Variants in PLEKHM3 observed in about 807,000 individuals in gnomAD.
PLEKHM3 encodes the protein pleckstrin homology domain-containing family M member 3.
A neutral mutation model predicts 81.8 loss-of-function variants in PLEKHM3; 45 were observed. The observed-to-expected ratio is 0.55, with a 90% confidence interval of 0.43 to 0.71. PLEKHM3 has a LOEUF of 0.71. Among genes scored for constraint, PLEKHM3 ranks in the 30% least tolerant of loss-of-function variants. The pLI is 0.00. For synonymous variants in PLEKHM3, 352 were observed against 356.4 expected, an observed-to-expected ratio of 0.99 and a Z score of 0.14; for missense variants, 788 against 924.3, an observed-to-expected ratio of 0.85 and a Z score of 1.91.
chr2:207,904,205 G>C (rs766469007), intron 6 of PLEKHM3, among the ~76,000 whole-genome samples: 1 of 152,096 alleles, frequency 6.6e-6, no homozygotes, highest in Non-Finnish European at 1.5e-5. Context: ...AAAATGAGCA[G>C]TACCTTCTGT....
chr2:207,836,346 A>C (rs79317664), intron 7 of PLEKHM3, among the ~76,000 whole-genome samples: 3,862 of 151,372 alleles, frequency 0.026, 173 homozygotes, highest in African/African-American at 0.088. Context: ...AGCACCATGG[A>C]ATGAGACTAT....
chr2:207,904,363 G>C (rs1159575006), intron 6 of PLEKHM3, among the ~76,000 whole-genome samples: 1 of 152,148 alleles, frequency 6.6e-6, no homozygotes, highest in Admixed American at 6.5e-5. Context: ...GAGAGCCTCT[G>C]CCTGTGTCTT....
intron 6 of PLEKHM3, among the ~76,000 whole-genome samples, chr2:207,876,450 A>C (rs1453343715): frequency 6.6e-6 from 1 of 152,202 alleles, no homozygotes; most frequent in Non-Finnish European, 1.5e-5. Context: ...TTATTTTCAC[A>C]AAAGTTCTTG....
chr2:207,994,095 G>A (rs927817779), intron 2 of PLEKHM3, among the ~76,000 whole-genome samples: 1 of 152,118 alleles, frequency 6.6e-6, no homozygotes, highest in Admixed American at 6.6e-5. Context: ...TAAACCAAAC[G>A]CAATAGACAA....
At chr2:207,889,949 G>C (rs1056012109) in intron 6 of PLEKHM3, among the ~76,000 whole-genome samples, 1 of 152,024 alleles carries the variant, frequency 6.6e-6, no homozygotes, top group African/African-American at 2.4e-5. Context: ...GACTACAGTG[G>C]CCTACCACCA....
At chr2:207,862,379 G>A (rs1354325885) in intron 6 of PLEKHM3, among the ~76,000 whole-genome samples, 3 of 151,878 alleles carry the variant, frequency 2.0e-5, no homozygotes, top group Non-Finnish European at 2.9e-5. Flanking sequence ...GCTCACGCTT[G>A]CAATCCCAGC....
intron 2 of PLEKHM3, among the ~76,000 whole-genome samples, chr2:207,987,535 C>T (rs779617332): frequency 1.3e-5 from 2 of 152,178 alleles, no homozygotes; most frequent in Non-Finnish European, 2.9e-5. Context: ...GAGACACATG[C>T]GGACTCAGCG....
chr2:208,001,404 C>A lies in PLEKHM3; in HGVS notation c.236G>T (p.Arg79Met). 6.2e-7 allele frequency: 1 copy of A among 1,614,138 alleles called. No homozygotes were observed. Among genetic ancestry groups the A allele is most frequent in the Non-Finnish European group, 8.5e-7 (1 of 1,180,020 alleles). Reference protein sequence around the residue: ...GGMIWDHCKSRLLETKAQNVF... With the variant: ...GGMIWDHCKSMLLETKAQNVF... ...ATTTTGAGCTTTGGTTTCTAAGAGC[C>A]TGCTCTTACAGTGGTCCCAAATCAT... is the stretch of plus-strand genomic sequence containing the variant. The change falls in exon 2 of 8, where the codon AGG (arginine) becomes ATG (methionine). Residue 79 changes from arginine (R) to methionine (M), a missense_variant. Arg to Met is a moderately conservative substitution (Grantham distance 91). Coordinates refer to ENST00000427836, the MANE Select transcript of PLEKHM3 (RefSeq NM_001080475.3).
chr2:207,887,851 G>A (rs780103305), intron 6 of PLEKHM3, among the ~76,000 whole-genome samples: 1 of 152,182 alleles, frequency 6.6e-6, no homozygotes, highest in Non-Finnish European at 1.5e-5. Flanking sequence ...GTTGGTCAAG[G>A]TTAGGGCAGG....
chr2:207,877,793 C>A (rs963478276), intron 6 of PLEKHM3, among the ~76,000 whole-genome samples: 2 of 152,176 alleles, frequency 1.3e-5, no homozygotes, highest in African/African-American at 4.8e-5. Context: ...TTCAACCATT[C>A]CAAACCATTC....
chr2:207,908,812 A>T (rs1688711702), intron 5 of PLEKHM3, among the ~76,000 whole-genome samples: 1 of 152,216 alleles, frequency 6.6e-6, no homozygotes, highest in Admixed American at 6.5e-5. Context: ...TGTAATCTTA[A>T]GTGCTATAAG....
intron 7 of PLEKHM3, among the ~76,000 whole-genome samples, chr2:207,840,004 G>A (rs553872233): frequency 6.6e-6 from 1 of 152,142 alleles, no homozygotes; most frequent in Non-Finnish European, 1.5e-5. Flanking sequence ...CTCTGGGCTG[G>A]GGCCCAGCAA....
At chr2:207,903,455 A>G (rs1688507801) in intron 6 of PLEKHM3, among the ~76,000 whole-genome samples, 1 of 152,174 alleles carries the variant, frequency 6.6e-6, no homozygotes, top group Non-Finnish European at 1.5e-5. Context: ...CACAAATAGA[A>G]TCATTCAATG....
At chr2:207,955,428 A>C (rs963236066) in intron 3 of PLEKHM3, among the ~76,000 whole-genome samples, 1 of 152,218 alleles carries the variant, frequency 6.6e-6, no homozygotes, top group Non-Finnish European at 1.5e-5. Flanking sequence ...AATAAATAAG[A>C]ACTAAGCAAA....
chr2:207,841,469 AAAAAAAAAAAAATATATATATATAT>A lies in PLEKHM3; in HGVS notation c.2109-12998_2109-12974del, dbSNP rs1275476679. Among the ~76,000 whole-genome samples, 115 of 55,954 alleles carry A rather than the reference AAAAAAAAAAAAATATATATATATAT, an allele frequency of 2.1e-3. 2 individuals are homozygous for A. Among genetic ancestry groups the A allele is most frequent in the Middle Eastern group, 8.3e-3 (1 of 120 alleles). The allele number at this position is 55,954 out of a possible 152,430, so 36.7% of individuals were successfully genotyped here. A position where few individuals can be genotyped will look rare whatever the true frequency, so the allele number is the denominator to read the frequency against. ...ATCTCAAAAAAAAAAAAAAAAAAAA[AAAAAAAAAAAAATATATATATATAT>A]ATATATATATATATTCACCACCATT... On this transcript the variant is annotated intron_variant, in intron 7 of 7. Transcript: ENST00000427836.
chr2:207,840,312 G>A (rs2092342983), intron 7 of PLEKHM3, among the ~76,000 whole-genome samples: 1 of 152,078 alleles, frequency 6.6e-6, no homozygotes, highest in South Asian at 2.1e-4. Flanking sequence ...AGCCTCCCAA[G>A]TATTAACAGC....
At chr2:207,877,897 CACTG>C (rs1252338503) in intron 6 of PLEKHM3, among the ~76,000 whole-genome samples, 3 of 152,168 alleles carry the variant, frequency 2.0e-5, no homozygotes, top group Non-Finnish European at 4.4e-5. Context: ...ATTCCCATAG[CACTG>C]ACTGACTGTT....
intron 7 of PLEKHM3, among the ~76,000 whole-genome samples, chr2:207,860,374 C>T (rs908854450): frequency 6.6e-6 from 1 of 152,062 alleles, no homozygotes; most frequent in African/African-American, 2.4e-5. Flanking sequence ...GGCTGTATGC[C>T]TTACCTTCTG....
Position 207,977,446 on chromosome 2 carries a change from G to A in PLEKHM3, c.751C>T (p.Gln251Ter). The A allele has an allele frequency of 6.2e-7, 1 of 1,614,200 alleles. No homozygotes were observed. Among genetic ancestry groups the A allele is most frequent in the East Asian group, 2.2e-5 (1 of 44,884 alleles). Residue 251 changes from glutamine (Q) to a stop codon, truncating the protein, a stop_gained, in exon 3 of 8, where the codon CAA becomes TAA. Coordinates refer to ENST00000427836, the MANE Select transcript of PLEKHM3 (RefSeq NM_001080475.3). LOFTEE classifies it high-confidence loss of function. ...YFYSLDSSGN[Q>*]NLYATYQLSH... ...AGCTGGTACGTGGCATAAAGGTTTT[G>A]ATTCCCACTGCTGTCGAGGCTGTAG...
Sources: allele counts gnomAD v4.1 joint callset (sites outside exome capture counted in the v4.1 genomes callset), GRCh38; gene constraint gnomAD v4.1.1; transcripts MANE v1.5; gene names NCBI Gene and HGNC (gene_info 2026-07-23, HGNC 2026-07-21).